The following ZP3 variants were observed in gnomAD, a reference collection of about 807,000 sequenced individuals.
ZP3 encodes zona pellucida sperm-binding protein 3.
In ZP3, 21 loss-of-function variants were observed where a neutral mutation model predicts 35.6. The observed-to-expected ratio is 0.59, with a 90% CI of 0.42 to 0.85. The LOEUF (loss-of-function observed/expected upper bound fraction) is 0.85. ZP3 is among the 40% of genes least tolerant of loss of function. The pLI, the probability that ZP3 is intolerant of heterozygous loss-of-function variation, is 0.00. For missense variants in ZP3, 437 were observed against 536.5 expected, an observed-to-expected ratio of 0.81 and a Z score of 1.83; for synonymous variants, 207 against 214.5, an observed-to-expected ratio of 0.96 and a Z score of 0.31.
chr7:76,403,849 A>G (rs1804909306), intron 1 of ZP3, among the ~76,000 whole-genome samples: 1 of 149,794 alleles, frequency 6.7e-6, no homozygotes, highest in African/African-American at 2.5e-5. Flanking sequence ...TTTAGTAGGG[A>G]CGCGGGTTTC....
intron 1 of ZP3, chr7:76,409,324 CACACACA>C (rs1563689241): frequency 1.4e-3 from 4 of 2,836 alleles, no homozygotes; most frequent in South Asian, 0.045. Flanking sequence ...CTCTCTGTCT[CACACACA>C]CACACACACA....
chr7:76,423,231 A>AAGAGAG (rs371941555), upstream of ZP3, among the ~76,000 whole-genome samples: 1 of 148,070 alleles, frequency 6.8e-6, no homozygotes, highest in Non-Finnish European at 1.5e-5. Context: ...GAGAGAGGGA[A>AAGAGAG]AGAGAGAGAG....
intron 2 of ZP3, among the ~76,000 whole-genome samples, chr7:76,431,727 G>A (rs926645216): frequency 3.9e-5 from 6 of 152,044 alleles, no homozygotes; most frequent in East Asian, 1.9e-4. Flanking sequence ...GTGAAACCCC[G>A]TCTCTACTAA....
chr7:76,431,812 T>A (rs971510330), intron 2 of ZP3, among the ~76,000 whole-genome samples: 50 of 150,168 alleles, frequency 3.3e-4, no homozygotes, highest in African/African-American at 1.2e-3. Flanking sequence ...GGCAGGAGAA[T>A]GGCGTGAACC....
intron 1 of ZP3, 106 bp from the exon 2 acceptor site, chr7:76,429,409 G>A: frequency 9.5e-7 from 1 of 1,052,270 alleles, no homozygotes; most frequent in East Asian, 2.4e-5. Flanking sequence ...TGACCCTGTG[G>A]TCTTTCTGTC....
rs376295317 is a variant in ZP3 at position 76,398,785 on chromosome 7, G to A, written c.-67+988G>A. 257 of 1,612,748 alleles carry A rather than the reference G, an allele frequency of 1.6e-4. 1 individual carries two copies. The South Asian group carries it at 2.5e-3, about 15-fold the overall frequency. On this transcript the variant is annotated intron_variant, in intron 1 of 8. Transcript: ENST00000336517. ...TAACATCTTCCTTGTTGGGGGCTGC[G>A]TTGGCAAGAATTCTGGAAAGGAAGT...
chr7:76,399,293 A>G (rs1392972970), intron 1 of ZP3, among the ~76,000 whole-genome samples: 2 of 152,088 alleles, frequency 1.3e-5, no homozygotes, highest in Non-Finnish European at 2.9e-5. Flanking sequence ...AATTACAGGC[A>G]TGAGCCACCG....
chr7:76,406,267 C>T (rs541556939), intron 1 of ZP3, among the ~76,000 whole-genome samples: 23 of 152,238 alleles, frequency 1.5e-4, no homozygotes, highest in Admixed American at 3.3e-4. Context: ...CATGAGCCAC[C>T]GCACCTGGTC....
At chr7:76,431,137 AG>A (rs1196403289) in intron 2 of ZP3, among the ~76,000 whole-genome samples, 2 of 152,202 alleles carry the variant, frequency 1.3e-5, no homozygotes, top group Non-Finnish European at 2.9e-5. Context: ...GGATTCAATG[AG>A]GCCTGACCCA....
At chr7:76,410,446 G>A (rs762360482) in intron 1 of ZP3, among the ~76,000 whole-genome samples, 3 of 150,912 alleles carry the variant, frequency 2.0e-5, no homozygotes, top group South Asian at 2.1e-4. Context: ...CCGTCTCCCC[G>A]AGTTCAAGGG....
At chr7:76,432,872 G>C (rs1584065575) in intron 2 of ZP3, 55 bp from the exon 3 acceptor site, 1 of 1,472,666 alleles carries the variant, frequency 6.8e-7, no homozygotes, top group African/African-American at 1.4e-5. Flanking sequence ...CATCAGTGGG[G>C]GCCCAGGTGG....
At chr7:76,409,170 T>C (rs1404917124) in intron 1 of ZP3, among the ~76,000 whole-genome samples, 1 of 152,076 alleles carries the variant, frequency 6.6e-6, no homozygotes, top group East Asian at 1.9e-4. Context: ...ACAGGGTGGA[T>C]ACTCAGGAAA....
At chr7:76,436,442 C>T (rs528180507) in intron 5 of ZP3, among the ~76,000 whole-genome samples, 43 of 152,322 alleles carry the variant, frequency 2.8e-4, no homozygotes, top group Middle Eastern at 3.4e-3. Flanking sequence ...GACTCTAATA[C>T]GCAGCCAGGC....
upstream of ZP3, among the ~76,000 whole-genome samples, chr7:76,423,804 G>A (rs1158495101): frequency 6.6e-6 from 1 of 151,968 alleles, no homozygotes; most frequent in Non-Finnish European, 1.5e-5. Flanking sequence ...GGAGGCTGCA[G>A]TGAGCTGAGA....
intron 5 of ZP3, 118 bp from the exon 6 acceptor site, chr7:76,440,132 C>G: frequency 2.0e-6 from 3 of 1,475,576 alleles, no homozygotes; most frequent in Non-Finnish European, 2.7e-6. Flanking sequence ...TAGGTGTGTG[C>G]CAATGCACCC....
In ZP3 at chr7:76,433,639, C is replaced by G. The variant is rs942161658; in HGVS notation, c.705C>G (p.Asp235Glu). 2 of 1,605,208 alleles carry G rather than the reference C, an allele frequency of 1.2e-6. No homozygotes were observed. Among genetic ancestry groups the G allele is most frequent in the Non-Finnish European group, 1.7e-6 (2 of 1,174,234 alleles). The change falls in exon 4 of 8, where the codon GAC becomes GAG. Residue 235 changes from aspartate to glutamate, a missense_variant. Coordinates refer to ENST00000394857, the MANE Select transcript of ZP3 (RefSeq NM_001110354.2). ...QNASPYHTIV[D>E]FHGCLVDGLT... ...CCTCCCCTTATCACACCATCGTGGACTTCCATGGGTGAGCACTGGGCTCCC... is the reference window on the plus strand; with the variant it reads ...CCTCCCCTTATCACACCATCGTGGAGTTCCATGGGTGAGCACTGGGCTCCC...
chr7:76,400,373 G>T, intron 1 of ZP3: 1 of 1,589,244 alleles, frequency 6.3e-7, no homozygotes. Flanking sequence ...GCAGCTTCCT[G>T]CCCGCGGCAC....
In ZP3 at chr7:76,418,122, C is replaced by T. The variant is rs982069001; in HGVS notation, c.-66-6930C>T. Among the ~76,000 whole-genome samples, 6 of 151,702 alleles carry T rather than the reference C, an allele frequency of 4.0e-5. No homozygotes were observed. The South Asian group carries it at 6.2e-4, about 16-fold the overall frequency. On this transcript the variant is annotated intron_variant, in intron 1 of 8. Transcript: ENST00000336517. ...CCTGGCTAATTTTTTGTGTTTTTAG[C>T]GGAGACAGGATTTCGCCATGTTGCC...
At chr7:76,416,810 C>CTATA (rs1181250451) in intron 1 of ZP3, among the ~76,000 whole-genome samples, 1 of 135,030 alleles carries the variant, frequency 7.4e-6, no homozygotes. Flanking sequence ...CTCTCTCTCT[C>CTATA]TCTCTCTATA....
Sources: gnomAD v4.1 joint callset for allele counts (sites outside exome capture counted in the v4.1 genomes callset) on GRCh38, gnomAD v4.1.1 for gene constraint, MANE v1.5 for transcripts, NCBI Gene and HGNC (gene_info 2026-07-23, HGNC 2026-07-21) for gene names.